Variants in CHSY1 observed in about 807,000 individuals in gnomAD.
The protein encoded by CHSY1 is chondroitin sulfate synthase 1.
Under a neutral mutation model 59.8 loss-of-function variants are expected in CHSY1, and 13 were observed. That is an observed-to-expected ratio of 0.22 (90% CI 0.14 to 0.35). CHSY1 has a LOEUF of 0.35. Ranked by LOEUF, CHSY1 falls within the 10% of genes least tolerant of loss-of-function variation. The pLI is 1.00. For synonymous variants in CHSY1, 459 were observed against 401.2 expected, an observed-to-expected ratio of 1.14 and a Z score of -1.72; for missense variants, 947 against 1,030.6, an observed-to-expected ratio of 0.92 and a Z score of 1.11.
intron 1 of CHSY1, among the ~76,000 whole-genome samples, chr15:101,250,011 G>C (rs547785295): frequency 6.6e-6 from 1 of 152,118 alleles, no homozygotes; most frequent in East Asian, 1.9e-4. Flanking sequence ...TCCCTTAAAG[G>C]CAAGGGAGAC....
intron 2 of CHSY1, among the ~76,000 whole-genome samples, chr15:101,200,267 G>T (rs1489513865): frequency 6.6e-6 from 1 of 152,078 alleles, no homozygotes; most frequent in African/African-American, 2.4e-5. Context: ...AATAAGAGAC[G>T]CCTTTACGCA....
At position 101,178,035 on chromosome 15, in the gene CHSY1, T is replaced by G. The variant is rs2038217249; in HGVS notation, c.1762A>C (p.Arg588=). The change falls in exon 3 of 3, where the codon AGA becomes CGA. Residue 588 remains arginine (R), a synonymous_variant. Transcript: ENST00000254190. The part of the protein sequence containing the change: ...PDKAKQVELM[R]DYRIKYPKAD... ...TTAGGGTACTTAATGCGGTAATCTC[T>G]CATCAGTTCAACTTGTTTGGCCTTG... The G allele has an allele frequency of 4.3e-6, 7 of 1,614,182 alleles. No individual in the cohort carries two copies. The highest frequency in any genetic ancestry group is 5.9e-6 in the Non-Finnish European group (7 of 1,180,032).
chr15:101,207,100 G>C (rs984231350), intron 2 of CHSY1, among the ~76,000 whole-genome samples: 1 of 152,072 alleles, frequency 6.6e-6, no homozygotes, highest in African/African-American at 2.4e-5. Context: ...ATCCTACTAA[G>C]ATAACTGAAA....
rs1360227574 is a variant in CHSY1, at chr15:101,235,434, T to A, written c.464A>T (p.Tyr155Phe). The A allele has an allele frequency of 6.2e-7, 1 of 1,614,184 alleles. No homozygotes were observed. The highest frequency in any genetic ancestry group is 1.7e-5 in the Admixed American group (1 of 60,020). ...CTTGTCCAAGTAGTGGTCGTGCATG[T>A]ACTTGAGCATCATGAAGGACTTCTT... ...PQKKSFMMLKYMHDHYLDKYE... is the reference protein window; with the variant it reads ...PQKKSFMMLKFMHDHYLDKYE... The change falls in exon 2 of 3, where the codon TAC becomes TTC. Residue 155 changes from tyrosine to phenylalanine, a missense_variant. Coordinates refer to ENST00000254190, the MANE Select transcript of CHSY1 (RefSeq NM_014918.5).
At chr15:101,235,658 T>C (rs2038934103) in intron 1 of CHSY1, 81 bp from the exon 2 acceptor site, 4 of 1,464,132 alleles carry the variant, frequency 2.7e-6, no homozygotes, top group Non-Finnish European at 3.8e-6. Flanking sequence ...GCTCATCTTG[T>C]ATCGCCGTGT....
intron 2 of CHSY1, among the ~76,000 whole-genome samples, chr15:101,219,449 C>T (rs2038767326): frequency 1.3e-5 from 2 of 152,182 alleles, no homozygotes; most frequent in Non-Finnish European, 2.9e-5. Context: ...GCATCCAGTT[C>T]CACGTAGGGA....
At position 101,232,509 on chromosome 15, in the gene CHSY1, G is replaced by GT. The variant is rs557345182; in HGVS notation, c.816+2572dup. ...TTAACATTATAATGAAGAACTACAC[G>GT]TGAAAGGGAACACTTCAAACATGTA... is the stretch of plus-strand genomic sequence containing the variant. On this transcript the variant is annotated intron_variant, in intron 2 of 2. Coordinates refer to ENST00000254190, the MANE Select transcript of CHSY1 (RefSeq NM_014918.5). Among the ~76,000 whole-genome samples, 704 of 152,294 alleles carry GT rather than the reference G, an allele frequency of 4.6e-3. 8 individuals carry two copies. The highest frequency in any genetic ancestry group is 7.5e-3 in the South Asian group (36 of 4,826).
At chr15:101,241,311 G>A (rs187122628) in intron 1 of CHSY1, among the ~76,000 whole-genome samples, 2 of 152,266 alleles carry the variant, frequency 1.3e-5, no homozygotes, top group African/African-American at 4.8e-5. Flanking sequence ...GGCTGGTCTC[G>A]AACTCCTGAC....
intron 1 of CHSY1, among the ~76,000 whole-genome samples, chr15:101,250,906 G>T (rs1489783350): frequency 6.6e-6 from 1 of 152,192 alleles, no homozygotes; most frequent in East Asian, 1.9e-4. Context: ...ACCCAGCGAG[G>T]CCACACTAGT....
rs145095021 is a variant in CHSY1 at position 101,233,704 on chromosome 15, A to G, written c.816+1378T>C. Among the ~76,000 whole-genome samples, 948 of 152,324 alleles carry G rather than the reference A, an allele frequency of 6.2e-3. 7 individuals are homozygous for G. The highest frequency in any genetic ancestry group is 0.021 in the African/African-American group (887 of 41,564). On this transcript the variant is annotated intron_variant, in intron 2 of 2. Transcript: ENST00000254190. ...TCACTCAAGATCACATTTAGGATTTAAAATGTATCTTTGTGACTTTGTAAT... is the reference window on the plus strand; with the variant it reads ...TCACTCAAGATCACATTTAGGATTTGAAATGTATCTTTGTGACTTTGTAAT...
At chr15:101,216,917 G>A (rs184764555) in intron 2 of CHSY1, among the ~76,000 whole-genome samples, 3 of 152,312 alleles carry the variant, frequency 2.0e-5, no homozygotes, top group East Asian at 3.9e-4. Flanking sequence ...AGGAGCGGGG[G>A]TCCCAGGATG....
intron 1 of CHSY1, among the ~76,000 whole-genome samples, chr15:101,250,736 C>T (rs778712108): frequency 1.3e-5 from 2 of 152,184 alleles, no homozygotes; most frequent in African/African-American, 4.8e-5. Flanking sequence ...GACAAAGGTG[C>T]ACATTTTAGG....
intron 2 of CHSY1, among the ~76,000 whole-genome samples, chr15:101,210,591 G>A (rs924891852): frequency 6.6e-6 from 1 of 152,176 alleles, no homozygotes; most frequent in Non-Finnish European, 1.5e-5. Context: ...GGGAGAAAAG[G>A]AGAACTGCAT....
At chr15:101,208,695 A>T (rs1441195512) in intron 2 of CHSY1, among the ~76,000 whole-genome samples, 1 of 145,282 alleles carries the variant, frequency 6.9e-6, no homozygotes, top group African/African-American at 2.7e-5. Context: ...CCTGGGTGAC[A>T]GAGCAAGGCT....
chr15:101,176,966 T>TG lies in CHSY1; in HGVS notation c.*421_*422insC. The TG allele has an allele frequency of 6.7e-6, 1 of 150,316 alleles. No homozygotes were observed. The highest frequency in any genetic ancestry group is 1.4e-5 in the Non-Finnish European group (1 of 69,454). 9.3% of individuals were successfully genotyped at this position (150,316 alleles called of 1,614,324 possible). ...ACATGAAATGGCTTTAAAACAATTGTAAAAAAAAAAAACAAAACACAAAAG... is the reference window on the plus strand; with the variant it reads ...ACATGAAATGGCTTTAAAACAATTGTGAAAAAAAAAAAACAAAACACAAAAG... On this transcript the variant is annotated 3_prime_UTR_variant, in exon 3 of 3. Coordinates refer to ENST00000254190, the MANE Select transcript of CHSY1 (RefSeq NM_014918.5).
chr15:101,189,176 G>A (rs901772740), intron 2 of CHSY1, among the ~76,000 whole-genome samples: 6 of 152,194 alleles, frequency 3.9e-5, no homozygotes, highest in African/African-American at 1.2e-4. Context: ...GTCCCAGCCC[G>A]GGCCTGCCAC....
chr15:101,205,877 A>T (rs146881272), intron 2 of CHSY1, among the ~76,000 whole-genome samples: 1 of 151,936 alleles, frequency 6.6e-6, no homozygotes, highest in African/African-American at 2.4e-5. Context: ...GCGTGAACCC[A>T]GGAGGCGGAG....
intron 2 of CHSY1, among the ~76,000 whole-genome samples, chr15:101,220,929 T>TCGA (rs1491389999): frequency 6.6e-6 from 1 of 152,088 alleles, no homozygotes; most frequent in Non-Finnish European, 1.5e-5. Flanking sequence ...CCTCCATCAG[T>TCGA]CGACCGCCTT....
chr15:101,189,464 T>G (rs2038415296), intron 2 of CHSY1: 13 of 985,398 alleles, frequency 1.3e-5, no homozygotes, highest in Non-Finnish European at 1.6e-5. Context: ...GGGATGGAGC[T>G]CGGGGGGACC....
Sources: allele counts gnomAD v4.1 joint callset (sites outside exome capture counted in the v4.1 genomes callset), GRCh38; gene constraint gnomAD v4.1.1; transcripts MANE v1.5; gene names NCBI Gene and HGNC (gene_info 2026-07-23, HGNC 2026-07-21).